The following GRID1 variants were observed in gnomAD, a reference collection of about 807,000 sequenced individuals.
GRID1 encodes glutamate receptor ionotropic, delta-1.
GRID1 carries 28 observed loss-of-function variants against 98.0 expected under a neutral mutation model. The observed-to-expected ratio is 0.29, with a 90% CI of 0.21 to 0.39. The LOEUF (loss-of-function observed/expected upper bound fraction) is 0.39, where lower values mean the gene tolerates loss of function less well. Ranked by LOEUF, GRID1 falls within the 10% of genes least tolerant of loss-of-function variation. The probability of loss-of-function intolerance (pLI) is 1.00; values close to 1 mark genes in which losing one functional copy is unlikely to be tolerated. For synonymous variants in GRID1, 553 were observed against 538.5 expected (o/e 1.03, Z -0.37); for missense variants, 1,111 against 1,340.5 (o/e 0.83, Z 2.67).
intron 4 of GRID1, among the ~76,000 whole-genome samples, chr10:86,069,593 A>T (rs1843772545): frequency 6.6e-6 from 1 of 152,156 alleles, no homozygotes; most frequent in African/African-American, 2.4e-5. Context: ...GCTGGCAGTG[A>T]GCCGAGATCG....
chr10:85,894,811 C>T (rs1290815599), intron 5 of GRID1, among the ~76,000 whole-genome samples: 2 of 151,546 alleles, frequency 1.3e-5, no homozygotes, highest in Non-Finnish European at 2.9e-5. Context: ...AGTTCAAGAC[C>T]AGCCTTGCCA....
At chr10:85,986,800 A>G (rs1842613771) in intron 4 of GRID1, among the ~76,000 whole-genome samples, 1 of 152,206 alleles carries the variant, frequency 6.6e-6, no homozygotes, top group Admixed American at 6.5e-5. Flanking sequence ...GATACTGAAG[A>G]TACTGCAAAG....
intron 4 of GRID1, among the ~76,000 whole-genome samples, chr10:85,940,541 T>C (rs1247691657): frequency 6.6e-6 from 1 of 152,220 alleles, no homozygotes; most frequent in Non-Finnish European, 1.5e-5. Flanking sequence ...TTTCTATCGA[T>C]GTCTGGGTGA....
intron 13 of GRID1, among the ~76,000 whole-genome samples, chr10:85,628,909 G>A (rs1384842308): frequency 6.6e-6 from 1 of 152,136 alleles, no homozygotes; most frequent in Non-Finnish European, 1.5e-5. Context: ...CAGTGGGAAG[G>A]CCTCTGGCTT....
At chr10:86,106,366 G>A (rs78478841) in intron 4 of GRID1, among the ~76,000 whole-genome samples, 2 of 151,936 alleles carry the variant, frequency 1.3e-5, no homozygotes, top group Admixed American at 6.5e-5. Context: ...CAGGATGTTA[G>A]GTCAAAAAAG....
intron 4 of GRID1, among the ~76,000 whole-genome samples, chr10:85,988,765 GA>G (rs2131866508): frequency 6.6e-6 from 1 of 152,340 alleles, no homozygotes; most frequent in African/African-American, 2.4e-5. Context: ...TTGACCAAGG[GA>G]TGCTATCTGT....
intron 15 of GRID1, among the ~76,000 whole-genome samples, chr10:85,608,989 C>T (rs575290695): frequency 6.6e-6 from 1 of 152,218 alleles, no homozygotes; most frequent in Admixed American, 6.5e-5. Flanking sequence ...AGCCAGGATC[C>T]AGGAGCCTGG....
intron 15 of GRID1, among the ~76,000 whole-genome samples, chr10:85,610,485 C>T (rs1163337074): frequency 6.6e-6 from 1 of 152,210 alleles, no homozygotes; most frequent in African/African-American, 2.4e-5. Context: ...AACTTCCTAT[C>T]TCATCTTTAG....
chr10:86,311,338 G>C (rs1394107642), intron 2 of GRID1, among the ~76,000 whole-genome samples: 1 of 152,034 alleles, frequency 6.6e-6, no homozygotes, highest in Non-Finnish European at 1.5e-5. Context: ...GATATCCTGG[G>C]GCAGCTGGGA....
chr10:85,681,911 C>T (rs1365380699), intron 12 of GRID1, among the ~76,000 whole-genome samples: 1 of 152,052 alleles, frequency 6.6e-6, no homozygotes, highest in Non-Finnish European at 1.5e-5. Context: ...AGGCAATTCA[C>T]CCAACATGTG....
chr10:86,106,635 T>C (rs778574777), intron 4 of GRID1, among the ~76,000 whole-genome samples: 11 of 152,116 alleles, frequency 7.2e-5, no homozygotes, highest in Non-Finnish European at 1.6e-4. Context: ...CATTTCTTCC[T>C]GGGCTGCACA....
intron 13 of GRID1, among the ~76,000 whole-genome samples, chr10:85,625,307 G>A (rs1458246707): frequency 6.6e-6 from 1 of 152,208 alleles, no homozygotes; most frequent in Non-Finnish European, 1.5e-5. Flanking sequence ...CCCATCAACA[G>A]GACACAAAGG....
intron 2 of GRID1, among the ~76,000 whole-genome samples, chr10:86,231,722 C>A (rs192538352): frequency 7.1e-4 from 108 of 152,318 alleles, no homozygotes; most frequent in African/African-American, 2.4e-3. Flanking sequence ...TTATTAACCA[C>A]CACAGGAGTC....
intron 4 of GRID1, among the ~76,000 whole-genome samples, chr10:86,132,120 A>T (rs1348787291): frequency 6.6e-6 from 1 of 152,134 alleles, no homozygotes; most frequent in Non-Finnish European, 1.5e-5. Context: ...GGGACAGTGG[A>T]CTAGGATGCC....
At chr10:86,282,046 A>G (rs1847364788) in intron 2 of GRID1, among the ~76,000 whole-genome samples, 1 of 152,224 alleles carries the variant, frequency 6.6e-6, no homozygotes, top group Admixed American at 6.5e-5. Context: ...TTGCATCCCC[A>G]TCCCACAGAG....
intron 2 of GRID1, among the ~76,000 whole-genome samples, chr10:86,356,112 A>G (rs148279197): frequency 8.7e-4 from 132 of 152,288 alleles, no homozygotes; most frequent in Non-Finnish European, 1.2e-3. Flanking sequence ...AGATTGGCAG[A>G]CATGGAGAAA....
chr10:85,633,640 G>A (rs1003190897), intron 13 of GRID1, among the ~76,000 whole-genome samples: 1 of 152,184 alleles, frequency 6.6e-6, no homozygotes, highest in African/African-American at 2.4e-5. Flanking sequence ...ACTGTCTCCA[G>A]GGGCTTATGT....
At chr10:85,612,133 G>A (rs1842738984) in intron 15 of GRID1, among the ~76,000 whole-genome samples, 1 of 152,192 alleles carries the variant, frequency 6.6e-6, no homozygotes, top group African/African-American at 2.4e-5. Flanking sequence ...CTGGTATAAT[G>A]CAGAGTCCTG....
intron 8 of GRID1, among the ~76,000 whole-genome samples, chr10:85,820,247 A>T (rs1045887847): frequency 3.9e-5 from 6 of 152,062 alleles, no homozygotes; most frequent in Admixed American, 3.9e-4. Flanking sequence ...ACTCTTCAAA[A>T]TTGACAAGGT....
Sources: allele counts gnomAD v4.1 joint callset (sites outside exome capture counted in the v4.1 genomes callset), GRCh38; gene constraint gnomAD v4.1.1; transcripts MANE v1.5; gene names NCBI Gene and HGNC (gene_info 2026-07-23, HGNC 2026-07-21).